Variants in INSRR observed in about 807,000 individuals in gnomAD.
INSRR encodes insulin receptor-related protein.
INSRR carries 114 observed loss-of-function variants against 130.0 expected under a neutral mutation model. The observed-to-expected ratio is 0.88, with a 90% CI of 0.75 to 1.02. The LOEUF is 1.02. Among genes scored for constraint, INSRR ranks in the 50% least tolerant of loss-of-function variants. The pLI is 0.00. For missense variants in INSRR, 1,657 were observed against 1,735.2 expected (o/e 0.95, Z 0.80); for synonymous variants, 674 against 705.2 (o/e 0.96, Z 0.70).
In INSRR at chr1:156,845,962, G is replaced by C; in HGVS notation, c.1968C>G (p.Tyr656Ter). ...AEDGDLYLND[Y>*]CHRGLRLPTS... ...GTCGTCCCTGCGCACCGCGGTGGCA[G>C]TAGTCATTGAGGTAGAGGTCGCCGT... Residue 656 changes from tyrosine to a stop codon, truncating the protein, a stop_gained, in exon 9 of 22, where the codon TAC becomes TAG. Transcript: ENST00000368195. LOFTEE classifies it high-confidence loss of function. 6.2e-7 allele frequency: 1 copy of C among 1,612,656 alleles called. No homozygotes were observed. Among genetic ancestry groups the C allele is most frequent in the Non-Finnish European group, 8.5e-7 (1 of 1,179,332 alleles).
At chr1:156,850,299 T>C (rs1257861367) in intron 5 of INSRR, among the ~76,000 whole-genome samples, 1 of 151,950 alleles carries the variant, frequency 6.6e-6, no homozygotes, top group Admixed American at 6.6e-5. Flanking sequence ...GTAACCCCTG[T>C]CTCCCAGGTT....
Position 156,849,339 on chromosome 1 carries a change from C to A in INSRR, c.1351G>T (p.Glu451Ter). The change falls in exon 6 of 22, where the codon GAA becomes TAA. Residue 451 changes from glutamate (E) to a stop codon, truncating the protein, a stop_gained. Coordinates refer to ENST00000368195, the MANE Select transcript of INSRR (RefSeq NM_014215.3). LOFTEE classifies it high-confidence loss of function. ...ACCTCCTCCAGTCGGTAGATGTGTT[C>A]CAAGCAGAGGCGCGGGTTGAAGGCG... ...YFAFNPRLCL[E>*]HIYRLEEVTG... The A allele has an allele frequency of 6.2e-7, 1 of 1,613,904 alleles. No individual in the cohort carries two copies. The highest frequency in any genetic ancestry group is 8.5e-7 in the Non-Finnish European group (1 of 1,180,014).
rs1201158508 is a variant in INSRR at position 156,855,184 on chromosome 1, C to CTATCTATCTATA, written c.86-882_86-881insTATAGATAGATA. 9.3e-5 allele frequency among the ~76,000 whole-genome samples: 14 copies of CTATCTATCTATA among 150,294 alleles called. No individual in the cohort carries two copies. The East Asian group carries it at 2.7e-3, about 29-fold the overall frequency. ...TCTCTGACCATCCAATTTTATCTAT[C>CTATCTATCTATA]TATCTATCTATCTATCTATCTATCT... is the stretch of plus-strand genomic sequence containing the variant. On this transcript the variant is annotated intron_variant, in intron 1 of 21. Coordinates refer to ENST00000368195, the MANE Select transcript of INSRR (RefSeq NM_014215.3).
At chr1:156,842,038 G>A in intron 19 of INSRR, 74 bp downstream of exon 19, 1 of 1,598,474 alleles carries the variant, frequency 6.3e-7, no homozygotes. Flanking sequence ...CAGGGCTGTG[G>A]GTCTCCTGAT....
intron 1 of INSRR, among the ~76,000 whole-genome samples, chr1:156,855,918 C>T (rs960827016): frequency 7.4e-5 from 11 of 149,458 alleles, no homozygotes; most frequent in South Asian, 2.1e-4. Context: ...GACTAATGTG[C>T]GTGTGTGTGT....
At chr1:156,851,206 A>G (rs1210199644) in intron 5 of INSRR, 84 bp downstream of exon 5, 2 of 1,549,890 alleles carry the variant, frequency 1.3e-6, no homozygotes. Flanking sequence ...AATTGGTTCC[A>G]GAGCCCATTC....
intron 7 of INSRR, among the ~76,000 whole-genome samples, chr1:156,847,250 G>C (rs1324446064): frequency 1.3e-5 from 2 of 152,218 alleles, no homozygotes; most frequent in African/African-American, 2.4e-5. Context: ...TTTCTAGAGA[G>C]AGTGTTCCTA....
Position 156,840,480 on chromosome 1 carries a change from A to G in INSRR, c.*393T>C, listed in dbSNP as rs76124685. On this transcript the variant is annotated 3_prime_UTR_variant, in exon 22 of 22. Transcript: ENST00000368195. Reference sequence around the variant, plus strand: ...GGAGAGCGCCCCAGGCCTGCTTCTGATTGCTCATCTGATTTCAAACATGTC... The same window carrying G: ...GGAGAGCGCCCCAGGCCTGCTTCTGGTTGCTCATCTGATTTCAAACATGTC... 667 of 164,556 alleles carry G rather than the reference A, an allele frequency of 4.1e-3. 5 individuals carry two copies. The highest frequency in any genetic ancestry group is 0.017 in the African/African-American group (607 of 35,932). 10.2% of individuals were successfully genotyped at this position (164,556 alleles called of 1,614,324 possible).
chr1:156,846,593 G>C lies in INSRR; in HGVS notation c.1736C>G (p.Thr579Arg), dbSNP rs377121387. The change falls in exon 8 of 22, where the codon ACG (threonine) becomes AGG (arginine). Residue 579 changes from threonine to arginine, a missense_variant. By Grantham distance (71) the Thr-to-Arg change is moderately conservative (BLOSUM62 -1). Coordinates refer to ENST00000368195, the MANE Select transcript of INSRR (RefSeq NM_014215.3). ...TQYAVFVRAI[T>R]LTTEEDSPHQ... ...AGGGCTGTCCTCCTCAGTGGTTAGC[G>C]TGATGGCCCGCACAAACACTGCGTA... 1.6e-4 allele frequency: 257 copies of C among 1,614,042 alleles called. No individual in the cohort carries two copies. The highest frequency in any genetic ancestry group is 2.1e-4 in the Non-Finnish European group (250 of 1,180,052).
At position 156,841,010 on chromosome 1, in the gene INSRR, A is replaced by C. The variant is rs1302056130; in HGVS notation, c.3757T>G (p.Ser1253Ala). 1 of 1,610,544 alleles carries C rather than the reference A, an allele frequency of 6.2e-7. No individual in the cohort carries two copies. The part of the protein sequence containing the change: ...LDSIQEELRP[S>A]FRLLSFYYSP... Reference sequence around the variant, plus strand: ...TAGTAGAAGGAGAGGAGGCGGAAGGAGGGCCGCAGCTCCTCCTGTATGCTG... The same window carrying C: ...TAGTAGAAGGAGAGGAGGCGGAAGGCGGGCCGCAGCTCCTCCTGTATGCTG... Residue 1253 changes from serine to alanine, a missense_variant, in exon 22 of 22, where the codon TCC (serine) becomes GCC (alanine). Physicochemically the swap from Ser to Ala is moderately conservative, Grantham distance 99 (BLOSUM62 1). Transcript: ENST00000368195.
chr1:156,844,235 G>A lies in INSRR; in HGVS notation c.2783C>T (p.Pro928Leu), dbSNP rs56252149. The change falls in exon 15 of 22, where the codon CCT becomes CTT. Residue 928 changes from proline (P) to leucine (L), a missense_variant. Physicochemically the swap from Pro to Leu is moderately conservative, Grantham distance 98. Transcript: ENST00000368195. ...AACGATGAGCAGCGTGAGCCCCACA[G>A]GGGTGGCAGTGAGGAGGACATGCAG... Reference protein sequence around the residue: ...GGLHVLLTATPVGLTLLIVLA... With the variant: ...GGLHVLLTATLVGLTLLIVLA... The A allele has an allele frequency of 0.16, 256,521 of 1,613,450 alleles. 21,121 individuals are homozygous for A. Among genetic ancestry groups the A allele is most frequent in the African/African-American group, 0.24 (17,762 of 74,968 alleles).
chr1:156,846,146 AG>A, intron 8 of INSRR, 27 bp from the exon 9 acceptor site: 13 of 1,555,458 alleles, frequency 8.4e-6, no homozygotes, highest in Non-Finnish European at 1.1e-5. Context: ...GATGCAACTC[AG>A]GGGTGTGGGT....
At chr1:156,850,578 C>G (rs971985277) in intron 5 of INSRR, among the ~76,000 whole-genome samples, 2 of 122,716 alleles carry the variant, frequency 1.6e-5, no homozygotes, top group Non-Finnish European at 3.3e-5. Context: ...GATGGAGTCC[C>G]TCTCTGTAAC....
Position 156,845,726 on chromosome 1 carries a change from A to G in INSRR, c.2067T>C (p.Pro689=), listed in dbSNP as rs1448950997. 6.2e-7 allele frequency: 1 copy of G among 1,613,616 alleles called. No individual in the cohort carries two copies. The highest frequency in any genetic ancestry group is 2.2e-5 in the East Asian group (1 of 44,852). The change falls in exon 10 of 22, where the codon CCT becomes CCC. Residue 689 remains proline (P), a synonymous_variant. Transcript: ENST00000368195. ...PEAEMESDCC[P]CQHPPPGQVL... ...CCTGACCAGGAGGTGGGTGCTGGCA[A>G]GGGCAGCAGTCGGACTCCATCTCGG...
chr1:156,841,853 C>T, intron 19 of INSRR, 59 bp from the exon 20 acceptor site: 1 of 1,613,482 alleles, frequency 6.2e-7, no homozygotes. Flanking sequence ...GCACTAGCTC[C>T]TGCCCCTGGG....
intron 5 of INSRR, 26 bp downstream of exon 5, chr1:156,851,264 G>A: frequency 6.2e-7 from 1 of 1,613,666 alleles, no homozygotes; most frequent in Non-Finnish European, 8.5e-7. Context: ...GTAATAGAAG[G>A]AGCTGGTCAG....
Position 156,854,441 on chromosome 1 carries a change from GCCT to G in INSRR, c.86-141_86-139del. ...CGGGCTCTGCTCTGGGTGTGGGGTG[GCCT>G]CCTTCCTGGGCCCCGGAGGGCTCAC... On this transcript the variant is annotated intron_variant, in intron 1 of 21. Coordinates refer to ENST00000368195, the MANE Select transcript of INSRR (RefSeq NM_014215.3). The surrounding 1 kb of genome is among the most constrained non-coding windows in gnomAD (Gnocchi z 4.2). 1 of 950,238 alleles carries G rather than the reference GCCT, an allele frequency of 1.1e-6. No individual in the cohort carries two copies. Among genetic ancestry groups the G allele is most frequent in the Non-Finnish European group, 1.5e-6 (1 of 654,086 alleles). The allele number at this position is 950,238 out of a possible 1,614,324, so 58.9% of individuals were successfully genotyped here. A position where few individuals can be genotyped will look rare whatever the true frequency, so the allele number is the denominator to read the frequency against.
In INSRR at chr1:156,840,941, C is replaced by T. The variant is rs780044274; in HGVS notation, c.3826G>A (p.Asp1276Asn). 1.9e-5 allele frequency: 30 copies of T among 1,613,940 alleles called. No homozygotes were observed. The South Asian group carries it at 1.9e-4, about 10-fold the overall frequency. Reference sequence around the variant, plus strand: ...GTGGGTGAGGAGTCAGGCTCTGCATCGGTGGTAGGCAGGGAGCCCCGGGCC... The same window carrying T: ...GTGGGTGAGGAGTCAGGCTCTGCATTGGTGGTAGGCAGGGAGCCCCGGGCC... ...RGARGSLPTT[D>N]AEPDSSPTPR... is the part of the protein sequence containing the mutation. The change falls in exon 22 of 22, where the codon GAT (aspartate) becomes AAT (asparagine). Residue 1276 changes from aspartate to asparagine, a missense_variant. Coordinates refer to ENST00000368195, the MANE Select transcript of INSRR (RefSeq NM_014215.3).
In INSRR at chr1:156,854,294, C is replaced by T; in HGVS notation, c.95G>A (p.Ser32Asn). 6.2e-7 allele frequency: 1 copy of T among 1,609,334 alleles called. No homozygotes were observed. The highest frequency in any genetic ancestry group is 1.1e-5 in the South Asian group (1 of 90,606). The change falls in exon 2 of 22, where the codon AGC becomes AAC. Residue 32 changes from serine (S) to asparagine (N), a missense_variant. Coordinates refer to ENST00000368195, the MANE Select transcript of INSRR (RefSeq NM_014215.3). This position sits in a 1 kb window ranked among gnomAD's most constrained non-coding sequence, Gnocchi z 4.2. Reference sequence around the variant, plus strand: ...TGCCACCTCTGAGCGAATATCCAGGCTGGGGCACACTGTGGGCATACACGG... The same window carrying T: ...TGCCACCTCTGAGCGAATATCCAGGTTGGGGCACACTGTGGGCATACACGG... Reference protein sequence around the residue: ...FGLDTVEVCPSLDIRSEVAEL... With the variant: ...FGLDTVEVCPNLDIRSEVAEL...
Sources: gnomAD v4.1 joint callset for allele counts (sites outside exome capture counted in the v4.1 genomes callset) on GRCh38, gnomAD v4.1.1 for gene constraint, Gnocchi (gnomAD v3.1) non-coding constraint, MANE v1.5 for transcripts, NCBI Gene and HGNC (gene_info 2026-07-23, HGNC 2026-07-21) for gene names.